The following FBXL5 variants were observed in gnomAD, a reference collection of about 807,000 sequenced individuals.
FBXL5 encodes the protein F-box and leucine rich repeat protein 5.
Under a neutral mutation model 78.3 loss-of-function variants are expected in FBXL5, and 26 were observed. The observed-to-expected ratio is 0.33, with a 90% CI of 0.24 to 0.46. FBXL5 has a LOEUF of 0.46. FBXL5 is among the 20% of genes least tolerant of loss of function. FBXL5 has a pLI of 1.00. For missense variants in FBXL5, 710 were observed against 829.2 expected, an observed-to-expected ratio of 0.86 and a Z score of 1.77; for synonymous variants, 295 against 282.5, an observed-to-expected ratio of 1.04 and a Z score of -0.45.
intron 1 of FBXL5, among the ~76,000 whole-genome samples, chr4:15,654,133 C>T (rs1207042886): frequency 6.6e-6 from 1 of 152,210 alleles, no homozygotes; most frequent in Non-Finnish European, 1.5e-5. Flanking sequence ...AATCGCCTGG[C>T]TGAGCTATGA....
chr4:15,646,324 C>CA, intron 1 of FBXL5, among the ~76,000 whole-genome samples: 1 of 151,784 alleles, frequency 6.6e-6, no homozygotes, highest in East Asian at 1.9e-4. Flanking sequence ...TTAAGCCACA[C>CA]AAAAAACACA....
chr4:15,614,103 T>C (rs1326105888), intron 9 of FBXL5, among the ~76,000 whole-genome samples: 1 of 152,192 alleles, frequency 6.6e-6, no homozygotes, highest in African/African-American at 2.4e-5. Flanking sequence ...AGGGCTGTTA[T>C]TCAGATTCTC....
At chr4:15,631,283 T>C (rs960524455) in intron 5 of FBXL5, among the ~76,000 whole-genome samples, 10 of 152,254 alleles carry the variant, frequency 6.6e-5, no homozygotes, top group Non-Finnish European at 1.2e-4. Flanking sequence ...TTACATGGTG[T>C]ATATGTGCCA....
intron 5 of FBXL5, among the ~76,000 whole-genome samples, chr4:15,635,393 T>C (rs555145588): frequency 1.5e-4 from 23 of 151,720 alleles, no homozygotes; most frequent in African/African-American, 5.1e-4. Flanking sequence ...ATCAGACTCA[T>C]GATTTAAATC....
chr4:15,664,325 T>C (rs1327201629), upstream of FBXL5, among the ~76,000 whole-genome samples: 4 of 152,020 alleles, frequency 2.6e-5, no homozygotes, highest in African/African-American at 9.7e-5. Flanking sequence ...ATTTCAATCC[T>C]TGCACCAAAC....
At chr4:15,673,338 G>A (rs1235909278) in intron 1 of FBXL5, among the ~76,000 whole-genome samples, 1 of 152,118 alleles carries the variant, frequency 6.6e-6, no homozygotes, top group African/African-American at 2.4e-5. Context: ...CTACTTGGGA[G>A]GCTGAGGTGG....
At chr4:15,619,868 G>A (rs372992036) in intron 9 of FBXL5, among the ~76,000 whole-genome samples, 3 of 152,048 alleles carry the variant, frequency 2.0e-5, no homozygotes, top group Non-Finnish European at 4.4e-5. Flanking sequence ...TCTATTTACA[G>A]ATGATAAGAT....
chr4:15,608,977 A>G (rs1399492791), intron 10 of FBXL5, among the ~76,000 whole-genome samples: 3 of 152,202 alleles, frequency 2.0e-5, no homozygotes, highest in African/African-American at 7.2e-5. Flanking sequence ...AACATTAACA[A>G]TAAAATCCTT....
At chr4:15,653,120 A>T (rs183534268) in intron 1 of FBXL5, among the ~76,000 whole-genome samples, 1 of 152,134 alleles carries the variant, frequency 6.6e-6, no homozygotes, top group Non-Finnish European at 1.5e-5. Context: ...TTTTTTCCCT[A>T]AATCGCCTCA....
At chr4:15,632,426 C>T (rs7689691) in intron 5 of FBXL5, among the ~76,000 whole-genome samples, 1 of 152,066 alleles carries the variant, frequency 6.6e-6, no homozygotes, top group African/African-American at 2.4e-5. Context: ...TGAACTTTAA[C>T]GTAGTTTTTT....
intron 1 of FBXL5, among the ~76,000 whole-genome samples, chr4:15,666,026 A>ATT (rs1427262251): frequency 1.4e-4 from 22 of 151,756 alleles, no homozygotes; most frequent in African/African-American, 5.3e-4. Context: ...CTTTTTTTAA[A>ATT]AAAAAAAAAA....
Position 15,634,467 on chromosome 4 carries a change from G to A in FBXL5, c.766+2027C>T, listed in dbSNP as rs149637024. Among the ~76,000 whole-genome samples, 367 of 152,178 alleles carry A rather than the reference G, an allele frequency of 2.4e-3. 1 individual carries two copies. The highest frequency in any genetic ancestry group is 8.6e-3 in the African/African-American group (355 of 41,516). On this transcript the variant is annotated intron_variant, in intron 5 of 10. Transcript: ENST00000341285. ...TGCCACCTCTGCCTCCCGGGTTCAA[G>A]CAATTCTCCCTGCCTCAGCCTCCCG...
In FBXL5 at chr4:15,666,643, A is replaced by G. The variant is rs555480360; in HGVS notation, c.-283-6721T>C. On this transcript the variant is annotated intron_variant, in intron 1 of 4. Coordinates refer to the FBXL5 transcript ENST00000507899. Reference sequence around the variant, plus strand: ...TCAAAATAACTAAGAGAAGCCTGGGAAACATAGTGAGACCTTGTCTCTACT... The same window carrying G: ...TCAAAATAACTAAGAGAAGCCTGGGGAACATAGTGAGACCTTGTCTCTACT... Among the ~76,000 whole-genome samples the G allele has an allele frequency of 3.3e-5, 5 of 152,028 alleles. No homozygotes were observed. In the East Asian group the frequency reaches 5.8e-4, roughly 18 times the overall value.
intron 9 of FBXL5, among the ~76,000 whole-genome samples, chr4:15,617,853 T>C (rs1219572674): frequency 6.6e-6 from 1 of 152,160 alleles, no homozygotes; most frequent in East Asian, 1.9e-4. Flanking sequence ...GAATAGCTAG[T>C]AAATGCTGGG....
chr4:15,626,011 T>G (rs762881626), intron 8 of FBXL5, 34 bp from the exon 9 acceptor site: 2 of 1,498,042 alleles, frequency 1.3e-6, no homozygotes, highest in East Asian at 2.3e-5. Flanking sequence ...TAATGAATAT[T>G]GTTAAATTTT....
At chr4:15,640,564 A>T (rs901044708) in intron 3 of FBXL5, among the ~76,000 whole-genome samples, 3 of 152,076 alleles carry the variant, frequency 2.0e-5, no homozygotes, top group African/African-American at 7.2e-5. Context: ...TTTCCTGAGT[A>T]AATTAATTAA....
intron 2 of FBXL5, among the ~76,000 whole-genome samples, chr4:15,641,842 C>A (rs781119496): frequency 6.6e-6 from 1 of 151,990 alleles, no homozygotes; most frequent in African/African-American, 2.4e-5. Flanking sequence ...GCCAGCCCAA[C>A]GCGGCGAAAC....
chr4:15,651,025 G>C, intron 1 of FBXL5, among the ~76,000 whole-genome samples: 1 of 152,148 alleles, frequency 6.6e-6, no homozygotes, highest in Non-Finnish European at 1.5e-5. Context: ...GTCACTTAAA[G>C]ACGATACAGT....
At chr4:15,616,921 T>TG (rs372392040) in intron 9 of FBXL5, among the ~76,000 whole-genome samples, 14 of 152,194 alleles carry the variant, frequency 9.2e-5, no homozygotes, top group African/African-American at 3.4e-4. Flanking sequence ...GAGCCTGCAG[T>TG]GGCAAGCTGC....
Sources: allele counts gnomAD v4.1 joint callset (sites outside exome capture counted in the v4.1 genomes callset), GRCh38; gene constraint gnomAD v4.1.1; transcripts MANE v1.5; gene names NCBI Gene and HGNC (gene_info 2026-07-23, HGNC 2026-07-21).